PTPRK: variants seen among roughly 807,000 people sequenced by gnomAD.
PTPRK encodes receptor-type tyrosine-protein phosphatase kappa.
A neutral mutation model predicts 178.0 loss-of-function variants in PTPRK; 75 were observed. The ratio of observed to expected loss-of-function variants is 0.42; its 90% CI spans 0.35 to 0.51. The LOEUF is 0.51. PTPRK is among the 20% of genes least tolerant of loss of function. The pLI, the probability that PTPRK is intolerant of heterozygous loss-of-function variation, is 0.02. For synonymous variants in PTPRK, 637 were observed against 620.6 expected, an observed-to-expected ratio of 1.03 and a Z score of -0.39; for missense variants, 1,441 against 1,797.8, an observed-to-expected ratio of 0.80 and a Z score of 3.59.
chr6:128,358,102 A>C (rs1400339836), intron 2 of PTPRK, among the ~76,000 whole-genome samples: 1 of 152,232 alleles, frequency 6.6e-6, no homozygotes, highest in Non-Finnish European at 1.5e-5. Flanking sequence ...TAATACTAAA[A>C]TACATCAAAA....
intron 2 of PTPRK, among the ~76,000 whole-genome samples, chr6:128,381,267 G>A (rs1837873626): frequency 6.6e-6 from 1 of 152,104 alleles, no homozygotes; most frequent in Admixed American, 6.6e-5. Context: ...ACAGTCTTAA[G>A]ACTTGAGAAA....
intron 3 of PTPRK, among the ~76,000 whole-genome samples, chr6:128,296,726 C>G (rs575574658): frequency 2.6e-5 from 4 of 151,918 alleles, no homozygotes; most frequent in Admixed American, 1.3e-4. Context: ...TGAAGGAAGC[C>G]CTAAACATGG....
intron 14 of PTPRK, among the ~76,000 whole-genome samples, chr6:128,007,019 C>A (rs1778508442): frequency 6.6e-6 from 1 of 150,564 alleles, no homozygotes; most frequent in African/African-American, 2.4e-5. Flanking sequence ...AGATAAGAGG[C>A]TAAAGTAATT....
chr6:128,308,657 C>T (rs767076755), intron 3 of PTPRK, among the ~76,000 whole-genome samples: 14 of 152,102 alleles, frequency 9.2e-5, no homozygotes, highest in African/African-American at 1.7e-4. Context: ...CAGCAATTTT[C>T]GACGCATGAA....
chr6:128,479,663 AG>A (rs1346204443), intron 1 of PTPRK, among the ~76,000 whole-genome samples: 2 of 152,132 alleles, frequency 1.3e-5, no homozygotes, highest in Non-Finnish European at 2.9e-5. Context: ...CAGTATAGGT[AG>A]AATTTGAAAG....
intron 18 of PTPRK, 45 bp from the exon 19 acceptor site, chr6:127,992,754 G>T: frequency 7.0e-7 from 1 of 1,428,782 alleles, no homozygotes; most frequent in South Asian, 1.3e-5. Context: ...ATCAATATCA[G>T]AAATAAATGA....
At chr6:128,337,305 A>G (rs1167286840) in intron 2 of PTPRK, among the ~76,000 whole-genome samples, 2 of 152,160 alleles carry the variant, frequency 1.3e-5, no homozygotes, top group Non-Finnish European at 2.9e-5. Flanking sequence ...CTGATACTCC[A>G]TCAGTGGAAG....
intron 3 of PTPRK, among the ~76,000 whole-genome samples, chr6:128,287,193 C>A (rs1822642027): frequency 6.6e-6 from 1 of 152,146 alleles, no homozygotes; most frequent in Admixed American, 6.6e-5. Context: ...TTAGGTTCCT[C>A]TCCCTCTGCC....
intron 7 of PTPRK, among the ~76,000 whole-genome samples, chr6:128,114,909 T>C (rs910376926): frequency 2.0e-5 from 3 of 152,002 alleles, no homozygotes; most frequent in African/African-American, 4.8e-5. Context: ...ACTTGTGCTA[T>C]ATATGTAAGT....
At chr6:128,093,712 A>G (rs750088964) in intron 7 of PTPRK, among the ~76,000 whole-genome samples, 17 of 151,656 alleles carry the variant, frequency 1.1e-4, no homozygotes, top group Non-Finnish European at 2.1e-4. Flanking sequence ...ATGAGTGGTT[A>G]TATTTCAATG....
At chr6:128,001,663 C>G (rs777940716) in intron 15 of PTPRK, among the ~76,000 whole-genome samples, 1 of 151,210 alleles carries the variant, frequency 6.6e-6, no homozygotes, top group African/African-American at 2.4e-5. Flanking sequence ...ATAATAAAAC[C>G]CCATGAAAAA....
rs144693207 is a variant in PTPRK at position 128,171,047 on chromosome 6, A to G, written c.1162+13385T>C. On this transcript the variant is annotated intron_variant, in intron 7 of 29. Coordinates refer to ENST00000368226, the MANE Select transcript of PTPRK (RefSeq NM_002844.4). Reference sequence around the variant, plus strand: ...TTTCACTATAAGATAATTCTCCCATATAATGTATAATGATGTACCTTACAA... The same window carrying G: ...TTTCACTATAAGATAATTCTCCCATGTAATGTATAATGATGTACCTTACAA... Among the ~76,000 whole-genome samples, 91 of 152,146 alleles carry G rather than the reference A, an allele frequency of 6.0e-4. No individual in the cohort carries two copies. The East Asian group carries it at 0.014, about 23-fold the overall frequency.
chr6:128,239,703 A>G (rs1165312376), intron 5 of PTPRK, among the ~76,000 whole-genome samples: 1 of 152,208 alleles, frequency 6.6e-6, no homozygotes, highest in Non-Finnish European at 1.5e-5. Context: ...TTCAGTTTTA[A>G]AAATATTATT....
chr6:128,376,304 C>T (rs1192071961), intron 2 of PTPRK, among the ~76,000 whole-genome samples: 1 of 152,166 alleles, frequency 6.6e-6, no homozygotes, highest in Non-Finnish European at 1.5e-5. Context: ...CAAACTTTAA[C>T]TCTTGACTTT....
Position 128,009,240 on chromosome 6 carries a change from G to C in PTPRK, c.2223C>G (p.Ile741Met), listed in dbSNP as rs1460178656. 1 of 1,607,848 alleles carries C rather than the reference G, an allele frequency of 6.2e-7. No individual in the cohort carries two copies. Among genetic ancestry groups the C allele is most frequent in the East Asian group, 2.2e-5 (1 of 44,690 alleles). ...KAAATEEPEV[I>M]PDPAKQTDRV... ...TGTCTGTCTGCTTGGCGGGATCTGG[G>C]ATCACTTCTGGTTCTTCTGTTGCTG... Residue 741 changes from isoleucine to methionine, a missense_variant, in exon 14 of 30, where the codon ATC (isoleucine) becomes ATG (methionine). By Grantham distance (10) the Ile-to-Met change is conservative. Coordinates refer to ENST00000368226, the MANE Select transcript of PTPRK (RefSeq NM_002844.4).
intron 9 of PTPRK, among the ~76,000 whole-genome samples, chr6:128,083,492 A>T (rs528723233): frequency 1.9e-3 from 296 of 152,242 alleles, no homozygotes; most frequent in African/African-American, 6.7e-3. Flanking sequence ...GCAACAAAAA[A>T]CATGCATTTT....
chr6:128,026,572 T>C (rs750992201), intron 13 of PTPRK, among the ~76,000 whole-genome samples: 8 of 152,216 alleles, frequency 5.3e-5, no homozygotes, highest in Non-Finnish European at 1.2e-4. Flanking sequence ...ACATTTAAAG[T>C]ACCTAGAAGT....
At chr6:128,081,725 TAAG>T (rs1222888589) in intron 10 of PTPRK, among the ~76,000 whole-genome samples, 22 of 151,938 alleles carry the variant, frequency 1.4e-4, no homozygotes, top group African/African-American at 5.3e-4. Flanking sequence ...TAATCTTAAA[TAAG>T]AAAAAACATT....
rs1479157749 is a variant in PTPRK at position 128,100,585 on chromosome 6, T to C, written c.1163-10593A>G. Reference sequence around the variant, plus strand: ...TCTCACCTTTCTCTTTTCATGTTTGTAATTTTTTGAACATTAGTTGATCTT... The same window carrying C: ...TCTCACCTTTCTCTTTTCATGTTTGCAATTTTTTGAACATTAGTTGATCTT... On this transcript the variant is annotated intron_variant, in intron 7 of 29. Transcript: ENST00000368226. Among the ~76,000 whole-genome samples the C allele has an allele frequency of 2.6e-5, 4 of 152,140 alleles. No homozygotes were observed. The East Asian group carries it at 7.7e-4, about 29-fold the overall frequency.
Sources: allele counts gnomAD v4.1 joint callset (sites outside exome capture counted in the v4.1 genomes callset), GRCh38; gene constraint gnomAD v4.1.1; transcripts MANE v1.5; gene names NCBI Gene and HGNC (gene_info 2026-07-23, HGNC 2026-07-21).